RNF19A: variants seen among roughly 807,000 people sequenced by gnomAD.
RNF19A encodes E3 ubiquitin-protein ligase RNF19A.
A neutral mutation model predicts 75.7 loss-of-function variants in RNF19A; 32 were observed. The ratio of observed to expected loss-of-function variants is 0.42; its 90% CI spans 0.32 to 0.57. The LOEUF (loss-of-function observed/expected upper bound fraction) is 0.57. RNF19A is among the 20% of genes least tolerant of loss of function. The probability of loss-of-function intolerance (pLI) is 0.10; values close to 1 mark genes in which losing one functional copy is unlikely to be tolerated. For synonymous variants in RNF19A, 335 were observed against 345.2 expected (o/e 0.97, Z 0.33); for missense variants, 782 against 1,036.3 (o/e 0.75, Z 3.37).
chr8:100,277,338 G>C (rs1563844337), intron 2 of RNF19A, among the ~76,000 whole-genome samples: 1 of 152,036 alleles, frequency 6.6e-6, no homozygotes. Flanking sequence ...TTGAGACAGA[G>C]TCTCGCTTTG....
At chr8:100,335,257 A>C (rs1284336948) in intron 1 of RNF19A, among the ~76,000 whole-genome samples, 1 of 152,234 alleles carries the variant, frequency 6.6e-6, no homozygotes, top group East Asian at 1.9e-4. Flanking sequence ...ACTGTAAACC[A>C]GGTACCCATC....
intron 3 of RNF19A, among the ~76,000 whole-genome samples, chr8:100,271,816 A>G (rs1387717294): frequency 6.6e-6 from 1 of 152,166 alleles, no homozygotes; most frequent in Non-Finnish European, 1.5e-5. Flanking sequence ...ATAGGATGAT[A>G]TATTTCTCTC....
At chr8:100,282,744 T>C (rs1359006078) in intron 2 of RNF19A, among the ~76,000 whole-genome samples, 1 of 152,222 alleles carries the variant, frequency 6.6e-6, no homozygotes, top group African/African-American at 2.4e-5. Flanking sequence ...AGTCAAGGTA[T>C]AGCTAAAACA....
rs966918510 is a variant in RNF19A, at chr8:100,293,980, T to A, written c.-93-5713A>T. 3.3e-5 allele frequency among the ~76,000 whole-genome samples: 5 copies of A among 152,348 alleles called. No homozygotes were observed. The East Asian group carries it at 9.6e-4, about 29-fold the overall frequency. On this transcript the variant is annotated intron_variant, in intron 1 of 9. Transcript: ENST00000341084. ...ATAGTTTCCATTTCTCTGATGAGAC[T>A]ACCCACATGTTCGGTCATTATGATA...
At chr8:100,272,014 T>C (rs1410511388) in intron 3 of RNF19A, among the ~76,000 whole-genome samples, 2 of 152,142 alleles carry the variant, frequency 1.3e-5, no homozygotes, top group Non-Finnish European at 2.9e-5. Context: ...GCCATTGTCA[T>C]ATTAAGAAAA....
rs796097395 is a variant in RNF19A, at chr8:100,325,946, C to G, written c.-243+10162G>C. On this transcript the variant is annotated intron_variant, in intron 1 of 3. Transcript: ENST00000519527. The surrounding 1 kb of genome is among the most constrained non-coding windows in gnomAD (Gnocchi z 4.3). The stretch of plus-strand genomic sequence containing the variant: ...GACACAGTCCATGTCTGAACACTCA[C>G]AGAATTCAGGGTATATATTTGAGTT... Among the ~76,000 whole-genome samples the G allele has an allele frequency of 4.6e-5, 7 of 152,304 alleles. 1 individual carries two copies. Among genetic ancestry groups the G allele is most frequent in the African/African-American group, 1.7e-4 (7 of 41,568 alleles).
rs1169769190 is a variant in RNF19A at position 100,269,739 on chromosome 8, T to C, written c.1028+130A>G. On this transcript the variant is annotated intron_variant, in intron 4 of 9. Coordinates refer to ENST00000341084, the MANE Select transcript of RNF19A (RefSeq NM_183419.4). This position sits in a 1 kb window ranked among gnomAD's most constrained non-coding sequence, Gnocchi z 5.7. ...TGACTAGCATAATAACTTGGTTTCTTTTAAATTTATTTAACTAGAATAAAA... is the reference window on the plus strand; with the variant it reads ...TGACTAGCATAATAACTTGGTTTCTCTTAAATTTATTTAACTAGAATAAAA... 2 of 613,266 alleles carry C rather than the reference T, an allele frequency of 3.3e-6. No individual in the cohort carries two copies. The highest frequency in any genetic ancestry group is 3.8e-5 in the African/African-American group (2 of 52,190). 38.0% of individuals were successfully genotyped at this position (613,266 alleles called of 1,614,324 possible). A position where few individuals can be genotyped will look rare whatever the true frequency, so the allele number is the denominator to read the frequency against.
chr8:100,306,653 TA>T (rs142766664), intron 1 of RNF19A, among the ~76,000 whole-genome samples: 3,332 of 152,324 alleles, frequency 0.022, 116 homozygotes, highest in African/African-American at 0.076. Context: ...ACACAAGTTT[TA>T]AACACCCAAA....
At chr8:100,262,856 C>A (rs942344268) in intron 7 of RNF19A, among the ~76,000 whole-genome samples, 1 of 151,978 alleles carries the variant, frequency 6.6e-6, no homozygotes, top group African/African-American at 2.4e-5. Context: ...AAGGAAGCAG[C>A]AGAATTTGCT....
rs955075434 is a variant in RNF19A, at chr8:100,332,951, A to G, written c.-243+3157T>C. On this transcript the variant is annotated intron_variant, in intron 1 of 3. Coordinates refer to the RNF19A transcript ENST00000519527. The surrounding 1 kb of genome is among the most constrained non-coding windows in gnomAD (Gnocchi z 4.8). ...TGCTGTTTAATCTTTCATTTTGTCT[A>G]TGGGTTCTCTTTTTGCTTTGTCTTA... Among the ~76,000 whole-genome samples the G allele has an allele frequency of 6.6e-6, 1 of 151,774 alleles. No individual in the cohort carries two copies. The highest frequency in any genetic ancestry group is 1.5e-5 in the Non-Finnish European group (1 of 67,946).
chr8:100,273,081 G>A (rs1289470277), intron 3 of RNF19A, among the ~76,000 whole-genome samples: 6 of 151,822 alleles, frequency 4.0e-5, no homozygotes, highest in Admixed American at 3.3e-4. Context: ...TGCCTAGGCT[G>A]GTCTCGAACT....
intron 1 of RNF19A, among the ~76,000 whole-genome samples, chr8:100,304,213 T>C (rs1170980108): frequency 2.6e-5 from 4 of 152,076 alleles, no homozygotes; most frequent in African/African-American, 7.2e-5. Flanking sequence ...TTGCCCACCT[T>C]GGCCTCCCAA....
chr8:100,307,528 A>G (rs1347530246), intron 1 of RNF19A, among the ~76,000 whole-genome samples: 1 of 151,474 alleles, frequency 6.6e-6, no homozygotes, highest in Admixed American at 6.6e-5. Context: ...ATAAGTGTTC[A>G]AGATACAAAC....
Position 100,284,628 on chromosome 8 carries a change from T to TA in RNF19A, c.674+2872dup, listed in dbSNP as rs2129884325. On this transcript the variant is annotated intron_variant, in intron 2 of 9. Transcript: ENST00000341084. The surrounding 1 kb of genome is among the most constrained non-coding windows in gnomAD (Gnocchi z 4.3). ...GTTTCTATTATTTTATGATATTTTATATTTGAGTTAACATTTGAATTATCA... is the reference window on the plus strand; with the variant it reads ...GTTTCTATTATTTTATGATATTTTATAATTTGAGTTAACATTTGAATTATCA... Among the ~76,000 whole-genome samples the TA allele has an allele frequency of 6.6e-6, 1 of 152,258 alleles. No homozygotes were observed. The highest frequency in any genetic ancestry group is 2.1e-4 in the South Asian group (1 of 4,830).
intron 1 of RNF19A, among the ~76,000 whole-genome samples, chr8:100,320,166 C>T (rs1822445034): frequency 6.6e-6 from 1 of 152,152 alleles, no homozygotes; most frequent in Admixed American, 6.5e-5. Flanking sequence ...ACTTCTACAA[C>T]ATAAGTACAA....
chr8:100,275,034 G>C lies in RNF19A; in HGVS notation c.802C>G (p.Arg268Gly). 6.2e-7 allele frequency: 1 copy of C among 1,614,092 alleles called. No homozygotes were observed. Among genetic ancestry groups the C allele is most frequent in the Non-Finnish European group, 8.5e-7 (1 of 1,179,988 alleles). ...WHPNQTCDAA[R>G]QERAQSLRLR... ...CGTAAGCTCTGGGCTCTCTCTTGTC[G>C]AGCAGCATCACAGGTCTGGTTGGGG... Residue 268 changes from arginine to glycine, a missense_variant, in exon 3 of 10, where the codon CGA becomes GGA. Around this residue, in one of 7 missense-constraint regions of RNF19A, gnomAD observed 34 missense variants for 25.2 expected, o/e 1.35. Coordinates refer to ENST00000341084, the MANE Select transcript of RNF19A (RefSeq NM_183419.4). This position sits in a 1 kb window ranked among gnomAD's most constrained non-coding sequence, Gnocchi z 4.3.
At position 100,260,097 on chromosome 8, in the gene RNF19A, G is replaced by T; in HGVS notation, c.1683-100C>A. The stretch of plus-strand genomic sequence containing the variant: ...CAGTTAAGAACCCTAGTAACCAGAA[G>T]CTATTTTAGGAACCATTATTTTTTA... On this transcript the variant is annotated intron_variant, in intron 8 of 9. Coordinates refer to ENST00000341084, the MANE Select transcript of RNF19A (RefSeq NM_183419.4). This position sits in a 1 kb window ranked among gnomAD's most constrained non-coding sequence, Gnocchi z 4.1. 1 of 1,013,814 alleles carries T rather than the reference G, an allele frequency of 9.9e-7. No individual in the cohort carries two copies. The highest frequency in any genetic ancestry group is 2.5e-5 in the East Asian group (1 of 40,572). The allele number at this position is 1,013,814 out of a possible 1,614,324, so 62.8% of individuals were successfully genotyped here.
At chr8:100,267,566 C>T (rs1186356600) in intron 5 of RNF19A, among the ~76,000 whole-genome samples, 1 of 151,922 alleles carries the variant, frequency 6.6e-6, no homozygotes, top group Non-Finnish European at 1.5e-5. Context: ...GATGGGGTCT[C>T]ACTATGTTGT....
rs1470126257 is a variant in RNF19A, at chr8:100,258,603, A to G, written c.2470T>C (p.Ser824Pro). 6.2e-7 allele frequency: 1 copy of G among 1,613,700 alleles called. No homozygotes were observed. Among genetic ancestry groups the G allele is most frequent in the Non-Finnish European group, 8.5e-7 (1 of 1,179,858 alleles). Residue 824 changes from serine (S) to proline (P), a missense_variant, in exon 10 of 10, where the codon TCA becomes CCA. Transcript: ENST00000341084. This position sits in a 1 kb window ranked among gnomAD's most constrained non-coding sequence, Gnocchi z 4.3. ...ACTTTTAATTCCATTGTCTGATGTG[A>G]GTGGTTGTTATTTGTTTCTTTTAGT... The part of the protein sequence containing the change: ...DALKETNNNH[S>P]HQTMELKVAI...
Sources: gnomAD v4.1 joint callset for allele counts (sites outside exome capture counted in the v4.1 genomes callset) on GRCh38, gnomAD v4.1.1 for gene constraint, gnomAD v4.1.1 regional missense constraint, Gnocchi (gnomAD v3.1) non-coding constraint, MANE v1.5 for transcripts, NCBI Gene and HGNC (gene_info 2026-07-23, HGNC 2026-07-21) for gene names.